The following PPP1R13B variants were observed in gnomAD, a reference collection of about 807,000 sequenced individuals.
The protein encoded by PPP1R13B is apoptosis-stimulating of p53 protein 1.
In PPP1R13B, 44 loss-of-function variants were observed where a neutral mutation model predicts 119.8. The observed-to-expected ratio is 0.37, with a 90% CI of 0.29 to 0.47. The LOEUF (loss-of-function observed/expected upper bound fraction) is 0.47, where lower values mean the gene tolerates loss of function less well. Ranked by LOEUF, PPP1R13B falls within the 20% of genes least tolerant of loss-of-function variation. PPP1R13B has a pLI of 0.99. For synonymous variants in PPP1R13B, 542 were observed against 561.5 expected (o/e 0.97, Z 0.49); for missense variants, 1,227 against 1,413.5 (o/e 0.87, Z 2.12).
At chr14:103,820,567 C>T (rs1023892641) in intron 1 of PPP1R13B, among the ~76,000 whole-genome samples, 2 of 151,406 alleles carry the variant, frequency 1.3e-5, no homozygotes, top group Non-Finnish European at 2.9e-5. Flanking sequence ...TGGTTCACTG[C>T]ACCCTCAACT....
At chr14:103,807,498 A>G (rs1474915201) in intron 1 of PPP1R13B, among the ~76,000 whole-genome samples, 1 of 152,062 alleles carries the variant, frequency 6.6e-6, no homozygotes, top group Admixed American at 6.6e-5. Flanking sequence ...TATACGTAAA[A>G]TGTCCCTTTT....
In PPP1R13B at chr14:103,740,697, T is replaced by C. The variant is rs2084236822; in HGVS notation, c.1823-104A>G. ...ACAGGCTCCTGCAAAGACACACATA[T>C]ACATCTGCTGCTGTTATTCAATTCT... On this transcript the variant is annotated intron_variant, in intron 11 of 16. Transcript: ENST00000202556. The surrounding 1 kb of genome is among the most constrained non-coding windows in gnomAD (Gnocchi z 4.6). 2.1e-6 allele frequency: 2 copies of C among 951,042 alleles called. No homozygotes were observed. The highest frequency in any genetic ancestry group is 1.4e-6 in the Non-Finnish European group (1 of 700,604). 58.9% of individuals were successfully genotyped at this position (951,042 alleles called of 1,614,324 possible). A position where few individuals can be genotyped will look rare whatever the true frequency, so the allele number is the denominator to read the frequency against.
chr14:103,844,531 G>A (rs2086983029), intron 1 of PPP1R13B, among the ~76,000 whole-genome samples: 1 of 151,906 alleles, frequency 6.6e-6, no homozygotes, highest in South Asian at 2.1e-4. Flanking sequence ...TGAGTTCAAG[G>A]TCAGCCTGCC....
At chr14:103,824,600 G>A (rs2086492675) in intron 1 of PPP1R13B, among the ~76,000 whole-genome samples, 1 of 151,514 alleles carries the variant, frequency 6.6e-6, no homozygotes, top group African/African-American at 2.4e-5. Context: ...GGAGGCTGAG[G>A]CACGAGAATC....
intron 1 of PPP1R13B, chr14:103,818,410 T>G: frequency 1.2e-6 from 1 of 841,398 alleles, no homozygotes; most frequent in Non-Finnish European, 1.4e-6. Flanking sequence ...GACCATAATT[T>G]CTACTCTTGC....
rs3742368 is a variant in PPP1R13B at position 103,740,517 on chromosome 14, C to G, written c.1899G>C (p.Thr633=). ...AAGGTGGCTGAGGCTGTGGTGTGCC[C>G]GTGGACAGTGACCCGTGAAGAAACG... ...PLPFLHGSLS[T]GTPQPQPPSE... is the part of the protein sequence containing the mutation. Residue 633 remains threonine, a synonymous_variant, in exon 12 of 17, where the codon ACG becomes ACC. Coordinates refer to ENST00000202556, the MANE Select transcript of PPP1R13B (RefSeq NM_015316.3). The surrounding 1 kb of genome is among the most constrained non-coding windows in gnomAD (Gnocchi z 4.6). 6 of 1,595,614 alleles carry G rather than the reference C, an allele frequency of 3.8e-6. No homozygotes were observed. The highest frequency in any genetic ancestry group is 5.1e-6 in the Non-Finnish European group (6 of 1,168,868).
At chr14:103,848,627 G>T (rs1352672287), upstream of PPP1R13B, 1 of 456,876 alleles carries the variant, frequency 2.2e-6, no homozygotes, top group Non-Finnish European at 2.9e-6. Context: ...CCTGGGAAGC[G>T]CCGGCCCAGT....
rs917866542 is a variant in PPP1R13B, at chr14:103,763,124, C to G, written c.355-5373G>C. The G allele has an allele frequency of 4.1e-5, 28 of 678,230 alleles. 1 individual carries two copies. Among genetic ancestry groups the G allele is most frequent in the South Asian group, 7.1e-5 (4 of 56,542 alleles). 42.0% of individuals were successfully genotyped at this position (678,230 alleles called of 1,614,324 possible). ...TGGCCTGCAGCAGCTTTTCCCGCAG[C>G]TCCCTCACACTGCCACCTTATGACA... On this transcript the variant is annotated intron_variant, in intron 4 of 16. Coordinates refer to ENST00000202556, the MANE Select transcript of PPP1R13B (RefSeq NM_015316.3).
chr14:103,794,970 G>T (rs1296199660), intron 2 of PPP1R13B, among the ~76,000 whole-genome samples: 2 of 151,702 alleles, frequency 1.3e-5, no homozygotes, highest in Non-Finnish European at 2.9e-5. Flanking sequence ...TTTTGAGACA[G>T]TCTCGCTCTG....
chr14:103,779,433 T>C (rs1469423812), intron 3 of PPP1R13B, among the ~76,000 whole-genome samples: 1 of 152,154 alleles, frequency 6.6e-6, no homozygotes, highest in African/African-American at 2.4e-5. Context: ...ATGGAGAAGA[T>C]GGTAAATTTT....
intron 1 of PPP1R13B, among the ~76,000 whole-genome samples, chr14:103,810,753 AGAGC>A (rs879818422): frequency 1.3e-5 from 2 of 151,548 alleles, no homozygotes; most frequent in Non-Finnish European, 2.9e-5. Context: ...CCTGGATGAC[AGAGC>A]GAGACTCCAT....
chr14:103,747,163 C>T (rs1410772410), intron 8 of PPP1R13B: 1 of 152,228 alleles, frequency 6.6e-6, no homozygotes, highest in Non-Finnish European at 1.5e-5. Context: ...AACAGAGGCG[C>T]CTGGAACAGG....
At chr14:103,739,694 C>G in intron 12 of PPP1R13B, 130 bp downstream of exon 12, 3 of 1,158,138 alleles carry the variant, frequency 2.6e-6, no homozygotes, top group Non-Finnish European at 3.5e-6. Context: ...GTCCTCCCTA[C>G]AAGACGTAAC....
chr14:103,807,017 G>C (rs567719675), intron 1 of PPP1R13B, among the ~76,000 whole-genome samples: 1 of 152,230 alleles, frequency 6.6e-6, no homozygotes, highest in East Asian at 1.9e-4. Flanking sequence ...CCTAACTATT[G>C]TCTAAGAGGC....
chr14:103,753,241 CT>C (rs35740460), intron 6 of PPP1R13B, 45 bp from the exon 7 acceptor site: 13,460 of 1,246,708 alleles, frequency 0.011, no homozygotes, highest in South Asian at 0.022. Context: ...TTAGTTGATC[CT>C]TTTTTTTTTT....
At chr14:103,766,754 C>T (rs112902787) in intron 4 of PPP1R13B, among the ~76,000 whole-genome samples, 2,558 of 152,122 alleles carry the variant, frequency 0.017, 75 homozygotes, top group African/African-American at 0.058. Context: ...ACTACAAGTG[C>T]GTGCCATCAC....
At chr14:103,818,610 C>T (rs1382617466) in intron 1 of PPP1R13B, 1 of 479,172 alleles carries the variant, frequency 2.1e-6, no homozygotes, top group Non-Finnish European at 2.7e-6. Context: ...ACAATTCTTT[C>T]TCCTCTTCTC....
intron 9 of PPP1R13B, among the ~76,000 whole-genome samples, chr14:103,744,218 T>C (rs2084332076): frequency 6.6e-6 from 1 of 152,232 alleles, no homozygotes; most frequent in Non-Finnish European, 1.5e-5. Flanking sequence ...ATTTTCTCCT[T>C]TCTTCAGAAG....
intron 1 of PPP1R13B, among the ~76,000 whole-genome samples, chr14:103,802,747 T>G (rs1282712212): frequency 6.6e-6 from 1 of 152,130 alleles, no homozygotes; most frequent in African/African-American, 2.4e-5. Flanking sequence ...CTTCAGCTCA[T>G]GAGTAAGTTC....
Sources: gnomAD v4.1 joint callset for allele counts (sites outside exome capture counted in the v4.1 genomes callset) on GRCh38, gnomAD v4.1.1 for gene constraint, Gnocchi (gnomAD v3.1) non-coding constraint, MANE v1.5 for transcripts, NCBI Gene and HGNC (gene_info 2026-07-23, HGNC 2026-07-21) for gene names.